Variants in DNAJC3 observed in about 807,000 individuals in gnomAD.
DNAJC3 encodes the protein dnaJ homolog subfamily C member 3.
A neutral mutation model predicts 68.6 loss-of-function variants in DNAJC3; 38 were observed. The ratio of observed to expected loss-of-function variants is 0.55; its 90% CI spans 0.43 to 0.73. DNAJC3 has a LOEUF of 0.73. DNAJC3 is among the 30% of genes least tolerant of loss of function. The probability of loss-of-function intolerance (pLI) is 0.00; values close to 1 mark genes in which losing one functional copy is unlikely to be tolerated. For synonymous variants in DNAJC3, 203 were observed against 204.0 expected (o/e 1.00, Z 0.04); for missense variants, 526 against 591.9 (o/e 0.89, Z 1.16).
At chr13:95,788,750 G>A (rs1883675614) in intron 11 of DNAJC3, among the ~76,000 whole-genome samples, 1 of 151,904 alleles carries the variant, frequency 6.6e-6, no homozygotes, top group Non-Finnish European at 1.5e-5. Context: ...CTTTCTCTGG[G>A]GCCATTATCA....
rs1343277436 is a variant in DNAJC3 at position 95,763,952 on chromosome 13, A to C, written c.1074A>C (p.Glu358Asp). The change falls in exon 9 of 12, where the codon GAA (glutamate) becomes GAC (aspartate). Residue 358 changes from glutamate to aspartate, a missense_variant and splice_region_variant. Physicochemically the swap from Glu to Asp is conservative, Grantham distance 45 (BLOSUM62 2). Transcript: ENST00000602402. The stretch of plus-strand genomic sequence containing the variant: ...ATTTGATAGAGGAAATGTATGATGA[A>C]GGTAAATCTTTAAGGATTTGATTTG... The part of the protein sequence containing the change: ...EAYLIEEMYD[E>D]AIQDYETAQE... The C allele has an allele frequency of 6.2e-7, 1 of 1,613,596 alleles. No homozygotes were observed.
chr13:95,711,489 C>G (rs1330228296), intron 2 of DNAJC3, among the ~76,000 whole-genome samples: 1 of 148,932 alleles, frequency 6.7e-6, no homozygotes, highest in Non-Finnish European at 1.5e-5. Flanking sequence ...CAGAGTGAGA[C>G]TCCATCTCAA....
chr13:95,714,651 A>G (rs1881080525), intron 2 of DNAJC3, among the ~76,000 whole-genome samples: 1 of 152,202 alleles, frequency 6.6e-6, no homozygotes, highest in South Asian at 2.1e-4. Flanking sequence ...TTACTGTGTG[A>G]CCACATCGTT....
At chr13:95,742,580 G>T in intron 4 of DNAJC3, 2 of 463,588 alleles carry the variant, frequency 4.3e-6, no homozygotes, top group South Asian at 3.3e-5. Context: ...GCCTCTTTGG[G>T]CTCTTATCCC....
chr13:95,740,886 T>A (rs1882119611), intron 4 of DNAJC3, among the ~76,000 whole-genome samples: 2 of 152,368 alleles, frequency 1.3e-5, no homozygotes, highest in Non-Finnish European at 2.9e-5. Context: ...ATTCTTTAGT[T>A]CCAGTATTTG....
At chr13:95,746,057 C>T (rs1229841807) in intron 4 of DNAJC3, among the ~76,000 whole-genome samples, 11 of 152,182 alleles carry the variant, frequency 7.2e-5, no homozygotes, top group Admixed American at 2.6e-4. Context: ...CTCAAGATTA[C>T]ACCAGTAGTT....
Position 95,767,809 on chromosome 13 carries a change from C to G in DNAJC3, c.1075+3856C>G, listed in dbSNP as rs139999615. Among the ~76,000 whole-genome samples, 778 of 151,710 alleles carry G rather than the reference C, an allele frequency of 5.1e-3. 11 individuals carry two copies. Among genetic ancestry groups the G allele is most frequent in the East Asian group, 0.043 (222 of 5,126 alleles). The stretch of plus-strand genomic sequence containing the variant: ...GGTTCAGCTGATTCTCCTGCCTCAG[C>G]CTCCTTAGTAGCTGGGATTGCATGT... On this transcript the variant is annotated intron_variant, in intron 9 of 11. Coordinates refer to ENST00000602402, the MANE Select transcript of DNAJC3 (RefSeq NM_006260.5).
intron 4 of DNAJC3, among the ~76,000 whole-genome samples, chr13:95,743,447 G>A (rs777128895): frequency 6.6e-5 from 10 of 152,176 alleles, no homozygotes; most frequent in Admixed American, 6.5e-5. Flanking sequence ...ATGATTGGCC[G>A]AGACACCACT....
intron 4 of DNAJC3, among the ~76,000 whole-genome samples, chr13:95,726,289 C>A (rs1216224525): frequency 6.6e-6 from 1 of 152,150 alleles, no homozygotes; most frequent in Admixed American, 6.6e-5. Context: ...ATAGTCCCAC[C>A]AACAGTGTAA....
In DNAJC3 at chr13:95,760,184, C is replaced by G. The variant is rs762439166; in HGVS notation, c.691C>G (p.Leu231Val). The G allele has an allele frequency of 8.1e-6, 13 of 1,610,340 alleles. No individual in the cohort carries two copies. The Admixed American group carries it at 1.0e-4, about 12-fold the overall frequency. Residue 231 changes from leucine to valine, a missense_variant, in exon 6 of 12, where the codon CTG becomes GTG. Leu to Val is a conservative substitution (Grantham distance 32). Transcript: ENST00000602402. ...NTEAFYKIST[L>V]YYQLGDHELS... The stretch of plus-strand genomic sequence containing the variant: ...TGAAGCGTTTTATAAAATAAGCACA[C>G]TGTACTACCAACTAGGAGACCACGA...
chr13:95,737,002 C>A (rs1291207814), intron 4 of DNAJC3, among the ~76,000 whole-genome samples: 1 of 151,790 alleles, frequency 6.6e-6, no homozygotes, highest in Non-Finnish European at 1.5e-5. Context: ...CCCATCAATA[C>A]CTAATTTATT....
Position 95,760,366 on chromosome 13 carries a change from G to T in DNAJC3, c.728+145G>T. 3 of 820,002 alleles carry T rather than the reference G, an allele frequency of 3.7e-6. No individual in the cohort carries two copies. The South Asian group carries it at 1.0e-4, about 28-fold the overall frequency. The allele number at this position is 820,002 out of a possible 1,614,324, so 50.8% of individuals were successfully genotyped here. A position where few individuals can be genotyped will look rare whatever the true frequency, so the allele number is the denominator to read the frequency against. The stretch of plus-strand genomic sequence containing the variant: ...TATTGTATATCCATTTATATATTTT[G>T]TGTTATTCCCAAGTTACTTTAATTC... On this transcript the variant is annotated intron_variant, in intron 6 of 11. Transcript: ENST00000602402.
intron 4 of DNAJC3, among the ~76,000 whole-genome samples, chr13:95,737,619 G>A (rs1343361329): frequency 1.3e-5 from 2 of 151,930 alleles, no homozygotes; most frequent in East Asian, 3.9e-4. Context: ...AGAGGTGTTT[G>A]TAGTATTCTC....
intron 1 of DNAJC3, among the ~76,000 whole-genome samples, chr13:95,690,548 C>G (rs1880203178): frequency 6.6e-6 from 1 of 150,678 alleles, no homozygotes; most frequent in African/African-American, 2.4e-5. Flanking sequence ...CTCCTCACTT[C>G]CCAGTAGGGG....
chr13:95,790,738 T>C (rs1883742789), intron 11 of DNAJC3, 135 bp from the exon 12 acceptor site: 2 of 1,005,888 alleles, frequency 2.0e-6, no homozygotes, highest in Admixed American at 6.3e-5. Context: ...GATTTGAATG[T>C]CAGGCACAAC....
intron 1 of DNAJC3, among the ~76,000 whole-genome samples, chr13:95,686,208 G>A (rs775223655): frequency 7.2e-5 from 11 of 152,022 alleles, no homozygotes; most frequent in Non-Finnish European, 1.5e-4. Context: ...TGAGCCACCC[G>A]CCTTGGCCTC....
At chr13:95,737,559 T>A (rs1412517995) in intron 4 of DNAJC3, among the ~76,000 whole-genome samples, 1 of 152,068 alleles carries the variant, frequency 6.6e-6, no homozygotes, top group Non-Finnish European at 1.5e-5. Context: ...AGAGAGTGTA[T>A]GTGTCCAGGA....
intron 9 of DNAJC3, among the ~76,000 whole-genome samples, chr13:95,785,232 C>A (rs1044595030): frequency 6.6e-6 from 1 of 151,994 alleles, no homozygotes; most frequent in Non-Finnish European, 1.5e-5. Flanking sequence ...CCATAGCTGA[C>A]CAGGCCGATT....
In DNAJC3 at chr13:95,760,025, C is replaced by G; in HGVS notation, c.547-15C>G. The stretch of plus-strand genomic sequence containing the variant: ...ATTTATTCTTTCTTAAAGTCTAGTT[C>G]TTTTGTTCCTCAAGGTTTGTGTTTG... On this transcript the variant is annotated splice_polypyrimidine_tract_variant and intron_variant, in intron 5 of 11. Coordinates refer to ENST00000602402, the MANE Select transcript of DNAJC3 (RefSeq NM_006260.5). The G allele has an allele frequency of 6.4e-7, 1 of 1,556,826 alleles. No homozygotes were observed. Among genetic ancestry groups the G allele is most frequent in the Non-Finnish European group, 8.7e-7 (1 of 1,152,188 alleles).
Sources: allele counts gnomAD v4.1 joint callset (sites outside exome capture counted in the v4.1 genomes callset), GRCh38; gene constraint gnomAD v4.1.1; transcripts MANE v1.5; gene names NCBI Gene and HGNC (gene_info 2026-07-23, HGNC 2026-07-21).